Variants in ITGB3BP observed in about 807,000 individuals in gnomAD.
ITGB3BP encodes the protein centromere protein R.
Under a neutral mutation model 29.1 loss-of-function variants are expected in ITGB3BP, and 27 were observed. The observed-to-expected ratio is 0.93, with a 90% CI of 0.68 to 1.28. The LOEUF (loss-of-function observed/expected upper bound fraction) is 1.28. ITGB3BP is among the 50% of genes most tolerant of loss of function. ITGB3BP has a pLI of 0.00. For missense variants in ITGB3BP, 192 were observed against 200.2 expected (o/e 0.96, Z 0.25); for synonymous variants, 61 against 61.4 (o/e 0.99, Z 0.03).
chr1:63,517,039 AAG>A (rs1570336131), intron 1 of ITGB3BP, among the ~76,000 whole-genome samples: 1 of 152,170 alleles, frequency 6.6e-6, no homozygotes, highest in East Asian at 1.9e-4. Context: ...TACTCAAAAA[AAG>A]AAAGTACAAA....
At chr1:63,447,641 G>T in intron 7 of ITGB3BP, 1 of 483,814 alleles carries the variant, frequency 2.1e-6, no homozygotes, top group East Asian at 5.9e-5. Context: ...GAGTTTGTAA[G>T]ACAGAGAAAA....
chr1:63,447,249 C>T (rs1415864581), intron 7 of ITGB3BP, among the ~76,000 whole-genome samples: 1 of 152,046 alleles, frequency 6.6e-6, no homozygotes, highest in East Asian at 1.9e-4. Flanking sequence ...ATGGTAGGCA[C>T]TCAATAAACA....
chr1:63,502,257 C>T (rs1239267126), intron 2 of ITGB3BP, among the ~76,000 whole-genome samples: 1 of 152,182 alleles, frequency 6.6e-6, no homozygotes, highest in Non-Finnish European at 1.5e-5. Flanking sequence ...GAACTTTCTT[C>T]ACCTCCTTAC....
chr1:63,528,186 A>G (rs985471392), upstream of ITGB3BP, among the ~76,000 whole-genome samples: 2 of 152,212 alleles, frequency 1.3e-5, no homozygotes, highest in Admixed American at 1.3e-4. Context: ...GAGTTCATCA[A>G]TAGATGAATG....
In ITGB3BP at chr1:63,455,095, A is replaced by G. The variant is rs1570133016; in HGVS notation, c.255-127T>C. On this transcript the variant is annotated intron_variant, in intron 4 of 8. Coordinates refer to ENST00000271002, the MANE Select transcript of ITGB3BP (RefSeq NM_014288.5). ...TTCTTTCATTCTTTACAAACACAAT[A>G]TATATTATCAACTGTCCCCTCTTTT... 8.9e-6 allele frequency: 5 copies of G among 562,708 alleles called. No individual in the cohort carries two copies. In the East Asian group the frequency reaches 1.4e-4, roughly 16 times the overall value. The allele number at this position is 562,708 out of a possible 1,614,324, so 34.9% of individuals were successfully genotyped here.
chr1:63,462,576 A>G (rs1243083007), intron 4 of ITGB3BP, among the ~76,000 whole-genome samples: 1 of 152,208 alleles, frequency 6.6e-6, no homozygotes, highest in East Asian at 1.9e-4. Context: ...TCAGTCTTCC[A>G]TATCTAAAAT....
At chr1:63,503,084 C>T (rs537782860) in intron 2 of ITGB3BP, among the ~76,000 whole-genome samples, 47 of 152,216 alleles carry the variant, frequency 3.1e-4, no homozygotes, top group East Asian at 2.7e-3. Flanking sequence ...CCTGAGGAAT[C>T]GCCACACTGA....
intron 1 of ITGB3BP, chr1:63,522,922 CAGAA>C (rs1169496510): frequency 1.3e-5 from 10 of 753,212 alleles, no homozygotes; most frequent in Non-Finnish European, 2.2e-5. Context: ...ATCGTAGAAA[CAGAA>C]AGCGAAGGAG....
At chr1:63,492,463 G>A (rs745590353) in intron 2 of ITGB3BP, among the ~76,000 whole-genome samples, 2 of 152,018 alleles carry the variant, frequency 1.3e-5, no homozygotes, top group African/African-American at 4.8e-5. Context: ...TTCCCTCAAG[G>A]TTGTACCAAG....
intron 4 of ITGB3BP, among the ~76,000 whole-genome samples, chr1:63,471,026 G>A (rs930370465): frequency 2.0e-5 from 3 of 151,756 alleles, no homozygotes; most frequent in Admixed American, 6.5e-5. Context: ...TTCCAGCTGA[G>A]TACCTTTTCA....
At chr1:63,466,988 G>A (rs928050500) in intron 4 of ITGB3BP, among the ~76,000 whole-genome samples, 73 of 152,174 alleles carry the variant, frequency 4.8e-4, no homozygotes, top group South Asian at 1.0e-3. Context: ...GGGCTCAAAT[G>A]ATTCTCCAAA....
chr1:63,468,838 G>T (rs1006242136), intron 4 of ITGB3BP, among the ~76,000 whole-genome samples: 2 of 150,606 alleles, frequency 1.3e-5, no homozygotes, highest in Admixed American at 6.6e-5. Flanking sequence ...TTCAGCCTGG[G>T]CAATAAGAGC....
chr1:63,489,408 C>CA (rs34702253), intron 3 of ITGB3BP, among the ~76,000 whole-genome samples: 50,800 of 141,688 alleles, frequency 0.36, 8,906 homozygotes, highest in East Asian at 0.49. Context: ...TAACCTTTCT[C>CA]AAAAAAAAAA....
intron 4 of ITGB3BP, among the ~76,000 whole-genome samples, chr1:63,474,047 C>T (rs1266397709): frequency 8.9e-5 from 1 of 11,178 alleles, no homozygotes; most frequent in African/African-American, 1.5e-4. Context: ...CCCGGCCGGC[C>T]GCCCCGTCCG....
In ITGB3BP at chr1:63,454,881, A is replaced by G; in HGVS notation, c.333+9T>C. 2 of 1,398,828 alleles carry G rather than the reference A, an allele frequency of 1.4e-6. No homozygotes were observed. The highest frequency in any genetic ancestry group is 4.6e-5 in the East Asian group (2 of 43,790). 86.7% of individuals were successfully genotyped at this position (1,398,828 alleles called of 1,614,324 possible). A position where few individuals can be genotyped will look rare whatever the true frequency, so the allele number is the denominator to read the frequency against. ...TTCAAACAGGGTAGAAGTATGAAAAAATGCAAACCTGTATACTACTTAAAT... is the reference window on the plus strand; with the variant it reads ...TTCAAACAGGGTAGAAGTATGAAAAGATGCAAACCTGTATACTACTTAAAT... On this transcript the variant is annotated intron_variant, in intron 5 of 8. Coordinates refer to ENST00000271002, the MANE Select transcript of ITGB3BP (RefSeq NM_014288.5). This position sits in a 1 kb window ranked among gnomAD's most constrained non-coding sequence, Gnocchi z 4.1.
chr1:63,506,118 A>G (rs1646072871), intron 2 of ITGB3BP, among the ~76,000 whole-genome samples: 1 of 152,084 alleles, frequency 6.6e-6, no homozygotes. Context: ...GTGGGTTGTT[A>G]AAGTCTCCCA....
At chr1:63,515,011 A>G (rs1646283443) in intron 1 of ITGB3BP, among the ~76,000 whole-genome samples, 1 of 152,062 alleles carries the variant, frequency 6.6e-6, no homozygotes, top group Non-Finnish European at 1.5e-5. Flanking sequence ...TTGATGAGCA[A>G]AAGTTTAAAA....
At chr1:63,488,829 T>TC (rs1645584351) in intron 3 of ITGB3BP, among the ~76,000 whole-genome samples, 1 of 152,094 alleles carries the variant, frequency 6.6e-6, no homozygotes, top group South Asian at 2.1e-4. Flanking sequence ...ACCCTTGCTA[T>TC]CTGACTTTTT....
At chr1:63,508,675 C>T in intron 1 of ITGB3BP, 105 bp from the exon 2 acceptor site, 1 of 538,068 alleles carries the variant, frequency 1.9e-6, no homozygotes, top group South Asian at 3.1e-5. Flanking sequence ...GTTCTACCAA[C>T]CAATTTTTAT....
Sources: allele counts gnomAD v4.1 joint callset (sites outside exome capture counted in the v4.1 genomes callset), GRCh38; gene constraint gnomAD v4.1.1; non-coding constraint Gnocchi (gnomAD v3.1); transcripts MANE v1.5; gene names NCBI Gene and HGNC (gene_info 2026-07-23, HGNC 2026-07-21).